Variants in IQSEC2 observed in about 807,000 individuals in gnomAD.
The protein encoded by IQSEC2 is IQ motif and Sec7 domain ArfGEF 2, also known as IQ motif and SEC7 domain-containing protein 2.
In IQSEC2, 6 loss-of-function variants were observed where a neutral mutation model predicts 74.6. The observed-to-expected ratio is 0.08, with a 90% CI of 0.04 to 0.16. The LOEUF is 0.16. Ranked by LOEUF, IQSEC2 falls within the 10% of genes least tolerant of loss-of-function variation. The pLI, the probability that IQSEC2 is intolerant of heterozygous loss-of-function variation, is 1.00. For missense variants in IQSEC2, 734 were observed against 1,306.2 expected, an observed-to-expected ratio of 0.56 and a Z score of 6.75; for synonymous variants, 494 against 544.5, an observed-to-expected ratio of 0.91 and a Z score of 1.29.
At chrX:53,289,426 C>A (rs1556872545) in intron 2 of IQSEC2, among the ~76,000 whole-genome samples, 1 of 111,006 alleles carries the variant, frequency 9.0e-6, no homozygotes, top group Non-Finnish European at 1.9e-5. Flanking sequence ...CCTAGATCTT[C>A]TATTTTAGCC....
At chrX:53,269,048 C>T (rs2074701482) in intron 2 of IQSEC2, among the ~76,000 whole-genome samples, 3 of 112,220 alleles carry the variant, frequency 2.7e-5, no homozygotes, top group Admixed American at 1.9e-4. Context: ...GATGCCCAGC[C>T]TTCATCAAGC....
intron 2 of IQSEC2, among the ~76,000 whole-genome samples, chrX:53,278,003 C>CTTTTTTTTTTTTTTTTTTTTTTT (rs36027805): frequency 5.9e-4 from 22 of 37,567 alleles, no homozygotes; most frequent in Non-Finnish European, 7.7e-4. Flanking sequence ...TTTTCTTTTT[C>CTTTTTTTTTTTTTTTTTTTTTTT]TTTTTTTTTT....
intron 12 of IQSEC2, 132 bp from the exon 13 acceptor site, chrX:53,236,627 G>A: frequency 1.3e-6 from 1 of 775,753 alleles, no homozygotes; most frequent in Non-Finnish European, 1.9e-6. Flanking sequence ...CAGGCTTCGT[G>A]TTTTGCCCCT....
chrX:53,262,499 G>A (rs1556866748), intron 2 of IQSEC2, among the ~76,000 whole-genome samples: 1 of 112,371 alleles, frequency 8.9e-6, no homozygotes, highest in Non-Finnish European at 1.9e-5. Context: ...ACTGGAAGTA[G>A]AGACAAGAAA....
At position 53,243,221 on chromosome X, in the gene IQSEC2, C is replaced by T. The variant is rs782741866; in HGVS notation, c.2889+111G>A. The stretch of plus-strand genomic sequence containing the variant: ...TCTGAGGAATGCATTATCACCCACT[C>T]TGTATTGCAGGTAAAGGGCACCTGG... On this transcript the variant is annotated intron_variant, in intron 9 of 14. Coordinates refer to ENST00000642864, the MANE Select transcript of IQSEC2 (RefSeq NM_001111125.3). The T allele has an allele frequency of 1.1e-4, 68 of 594,153 alleles. No homozygotes were observed. The South Asian group carries it at 1.8e-3, about 16-fold the overall frequency. 49.0% of individuals were successfully genotyped at this position (594,153 alleles called of 1,213,427 possible).
At chrX:53,303,913 A>C (rs1408752305) in intron 1 of IQSEC2, among the ~76,000 whole-genome samples, 1 of 109,570 alleles carries the variant, frequency 9.1e-6, no homozygotes, top group Non-Finnish European at 1.9e-5. Context: ...GGTGGATCAC[A>C]AGGTTAGGAG....
At chrX:53,318,980 C>T (rs2075403805) in intron 1 of IQSEC2, among the ~76,000 whole-genome samples, 1 of 112,868 alleles carries the variant, frequency 8.9e-6, no homozygotes, top group East Asian at 2.8e-4. Flanking sequence ...ATTTCCTTTG[C>T]CCCCAGACTC....
chrX:53,315,340 A>C (rs1386492486), intron 1 of IQSEC2, among the ~76,000 whole-genome samples: 1 of 112,241 alleles, frequency 8.9e-6, no homozygotes, highest in Non-Finnish European at 1.9e-5. Context: ...GCAGTGAGTC[A>C]AGAGTGTGCC....
In IQSEC2 at chrX:53,248,751, C is replaced by T. The variant is rs1229714689; in HGVS notation, c.2429G>A (p.Arg810Gln). ...CACGTCTCTGTTGAACTGCTTCTGCCGGTTCCCTAGGAATTCCCCTATCAT... is the reference window on the plus strand; with the variant it reads ...CACGTCTCTGTTGAACTGCTTCTGCTGGTTCCCTAGGAATTCCCCTATCAT... ...RQMIGEFLGN[R>Q]QKQFNRDVLD... The change falls in exon 6 of 15, where the codon CGG becomes CAG. Residue 810 changes from arginine (R) to glutamine (Q), a missense_variant. Physicochemically the swap from Arg to Gln is conservative, Grantham distance 43. Around this residue, in one of 12 missense-constraint regions of IQSEC2, gnomAD observed 1 missense variants for 28.6 expected, o/e 0.04. Transcript: ENST00000642864. The T allele has an allele frequency of 8.3e-7, 1 of 1,209,908 alleles. No individual in the cohort carries two copies. Among genetic ancestry groups the T allele is most frequent in the Non-Finnish European group, 1.1e-6 (1 of 895,205 alleles).
chrX:53,238,588 G>A (rs1244481869), intron 11 of IQSEC2, among the ~76,000 whole-genome samples: 2 of 109,078 alleles, frequency 1.8e-5, no homozygotes, highest in African/African-American at 6.7e-5. Flanking sequence ...ATGTTGCCCA[G>A]GCTGGTTTCG....
At chrX:53,238,542 AT>A (rs782287232) in intron 11 of IQSEC2, among the ~76,000 whole-genome samples, 1 of 107,778 alleles carries the variant, frequency 9.3e-6, no homozygotes, top group African/African-American at 3.4e-5. Flanking sequence ...ACATGCGCAG[AT>A]TTTTTTTTAT....
At chrX:53,297,704 G>A (rs1306543006) in intron 1 of IQSEC2, among the ~76,000 whole-genome samples, 1 of 111,572 alleles carries the variant, frequency 9.0e-6, no homozygotes, top group African/African-American at 3.3e-5. Flanking sequence ...TGTCAGAAGC[G>A]CAATTCTCCT....
At chrX:53,307,027 C>T (rs1170364202) in intron 1 of IQSEC2, among the ~76,000 whole-genome samples, 2 of 110,578 alleles carry the variant, frequency 1.8e-5, no homozygotes, top group Admixed American at 9.7e-5. Flanking sequence ...AGAACACAGG[C>T]CGCCTGGCAT....
rs1556865113 is a variant in IQSEC2 at position 53,255,973 on chromosome X, G to T, written c.826C>A (p.Pro276Thr). The T allele has an allele frequency of 6.7e-6, 8 of 1,192,558 alleles. No homozygotes were observed. Among genetic ancestry groups the T allele is most frequent in the Middle Eastern group, 2.3e-4 (1 of 4,259 alleles). Residue 276 changes from proline to threonine, a missense_variant, in exon 3 of 15, where the codon CCC (proline) becomes ACC (threonine). Coordinates refer to ENST00000642864, the MANE Select transcript of IQSEC2 (RefSeq NM_001111125.3). ...GGGCCCCCCATGTGGCTGCTGGAGG[G>T]GGGCAGCTGGCTCAGCCGGTAGGGG... ...QPPYRLSQLP[P>T]SSSHMGGPPA...
chrX:53,310,213 G>A (rs2075308290), intron 1 of IQSEC2, among the ~76,000 whole-genome samples: 1 of 110,350 alleles, frequency 9.1e-6, no homozygotes, highest in African/African-American at 3.3e-5. Context: ...AACAGAGGGA[G>A]ACTCTGTCTC....
chrX:53,308,824 G>A (rs1408549609), intron 1 of IQSEC2, among the ~76,000 whole-genome samples: 6 of 110,502 alleles, frequency 5.4e-5, no homozygotes, highest in African/African-American at 1.6e-4. Flanking sequence ...GGGGCCGGGC[G>A]CAGTGGCTCA....
At position 53,320,546 on chromosome X, in the gene IQSEC2, C is replaced by G. The variant is rs782357394; in HGVS notation, c.578G>C (p.Gly193Ala). Residue 193 changes from glycine to alanine, a missense_variant, in exon 1 of 15, where the codon GGC becomes GCC. Gly to Ala is a moderately conservative substitution (Grantham distance 60). Coordinates refer to ENST00000642864, the MANE Select transcript of IQSEC2 (RefSeq NM_001111125.3). ...EKEAGYSAAV[G>A]VGPRPPRERG... ...CTCCCGCGGTGGCCGCGGCCCCACG[C>G]CCACCGCCGCCGAATAGCCCGCTTC... 5.1e-4 allele frequency: 592 copies of G among 1,154,368 alleles called. No individual in the cohort carries two copies. The highest frequency in any genetic ancestry group is 6.6e-4 in the Non-Finnish European group (575 of 867,772).
intron 9 of IQSEC2, 55 bp from the exon 10 acceptor site, chrX:53,241,964 C>T (rs899635944): frequency 3.2e-5 from 38 of 1,174,462 alleles, no homozygotes; most frequent in East Asian, 3.1e-4. Context: ...AGCTTCAGGC[C>T]TCCTGGCACC....
chrX:53,316,654 C>G (rs1822190499), intron 1 of IQSEC2, among the ~76,000 whole-genome samples: 1 of 110,873 alleles, frequency 9.0e-6, no homozygotes, highest in Non-Finnish European at 1.9e-5. Context: ...GACCCCGTCT[C>G]TGCTTAAAAG....
Sources: allele counts gnomAD v4.1 joint callset (sites outside exome capture counted in the v4.1 genomes callset), GRCh38; gene constraint gnomAD v4.1.1; regional missense constraint gnomAD v4.1.1; transcripts MANE v1.5; gene names NCBI Gene and HGNC (gene_info 2026-07-23, HGNC 2026-07-21).